Variants in SUCLG2 observed in about 807,000 individuals in gnomAD.
SUCLG2 encodes the protein succinate--CoA ligase [GDP-forming] subunit beta, mitochondrial.
In SUCLG2, 42 loss-of-function variants were observed where a neutral mutation model predicts 47.9. That is an observed-to-expected ratio of 0.88 (90% confidence interval 0.69 to 1.14). The LOEUF is 1.14. Ranked by LOEUF, SUCLG2 falls within the 50% of genes most tolerant of loss-of-function variation. The pLI, the probability that SUCLG2 is intolerant of heterozygous loss-of-function variation, is 0.00. For missense variants in SUCLG2, 571 were observed against 525.9 expected (o/e 1.09, Z -0.84); for synonymous variants, 195 against 197.3 (o/e 0.99, Z 0.10).
intron 9 of SUCLG2, among the ~76,000 whole-genome samples, chr3:67,425,908 G>A (rs1703289882): frequency 6.6e-6 from 1 of 152,218 alleles, no homozygotes; most frequent in South Asian, 2.1e-4. Context: ...GCCTCAAATA[G>A]AGACTTGTAA....
chr3:67,598,713 CA>C, intron 2 of SUCLG2, among the ~76,000 whole-genome samples: 1 of 152,162 alleles, frequency 6.6e-6, no homozygotes, highest in Non-Finnish European at 1.5e-5. Context: ...ATGTGGAACA[CA>C]CTATTTACCG....
At chr3:67,612,427 TA>T (rs5849772) in intron 1 of SUCLG2, among the ~76,000 whole-genome samples, 73,642 of 151,264 alleles carry the variant, frequency 0.49, 18,859 homozygotes, top group African/African-American at 0.64. Context: ...TTCTCAGTTG[TA>T]AAAAAAGGGT....
chr3:67,391,387 A>G (rs1702378128), intron 10 of SUCLG2, among the ~76,000 whole-genome samples: 1 of 151,958 alleles, frequency 6.6e-6, no homozygotes, highest in South Asian at 2.1e-4. Flanking sequence ...CACAATTTGC[A>G]CTCCTATTCG....
chr3:67,485,738 C>G (rs1325826063), intron 9 of SUCLG2, among the ~76,000 whole-genome samples: 2 of 152,084 alleles, frequency 1.3e-5, no homozygotes, highest in African/African-American at 4.8e-5. Flanking sequence ...CTTCCAAAAA[C>G]ATAAAGTGAA....
chr3:67,548,617 C>T (rs188932643), intron 2 of SUCLG2, among the ~76,000 whole-genome samples: 1 of 152,126 alleles, frequency 6.6e-6, no homozygotes, highest in Admixed American at 6.6e-5. Context: ...TCATGTGTAC[C>T]AATCAATAAG....
intron 9 of SUCLG2, among the ~76,000 whole-genome samples, chr3:67,492,444 A>G (rs1705228407): frequency 6.6e-6 from 1 of 152,240 alleles, no homozygotes; most frequent in South Asian, 2.1e-4. Context: ...TTAACATTCT[A>G]TATAGTGCTT....
chr3:67,553,133 G>A (rs1021864325), intron 2 of SUCLG2, among the ~76,000 whole-genome samples: 10 of 152,148 alleles, frequency 6.6e-5, no homozygotes, highest in African/African-American at 2.4e-4. Context: ...CCAGGGCATC[G>A]AGATCAGGTA....
intron 2 of SUCLG2, among the ~76,000 whole-genome samples, chr3:67,533,003 T>C (rs1288221913): frequency 6.6e-6 from 1 of 152,190 alleles, no homozygotes; most frequent in East Asian, 1.9e-4. Flanking sequence ...AAGAAAAGCA[T>C]AATCTAAATA....
intron 9 of SUCLG2, among the ~76,000 whole-genome samples, chr3:67,443,180 T>C (rs1559528267): frequency 6.6e-6 from 1 of 152,188 alleles, no homozygotes; most frequent in Non-Finnish European, 1.5e-5. Context: ...GCATATATTG[T>C]ATCATGTTAT....
chr3:67,562,046 G>A (rs947176066), intron 2 of SUCLG2, among the ~76,000 whole-genome samples: 2 of 152,108 alleles, frequency 1.3e-5, no homozygotes, highest in Non-Finnish European at 2.9e-5. Context: ...ACTCCCTTCT[G>A]CATTTTTGAT....
chr3:67,565,691 T>C (rs146220930), intron 2 of SUCLG2, among the ~76,000 whole-genome samples: 4 of 152,354 alleles, frequency 2.6e-5, no homozygotes, highest in African/African-American at 9.6e-5. Context: ...ACAAGAGTAA[T>C]TTGTCATCCT....
intron 10 of SUCLG2, among the ~76,000 whole-genome samples, chr3:67,392,026 C>T (rs1169615231): frequency 2.0e-5 from 3 of 152,136 alleles, no homozygotes; most frequent in African/African-American, 7.2e-5. Context: ...TTTGTCAGTG[C>T]ATGCCCCTGT....
chr3:67,651,409 T>C (rs1374588212), intron 1 of SUCLG2, among the ~76,000 whole-genome samples: 2 of 152,130 alleles, frequency 1.3e-5, no homozygotes, highest in African/African-American at 4.8e-5. Flanking sequence ...AACACACTCT[T>C]CCCCTTAGTC....
chr3:67,579,820 T>TA (rs1372048531), intron 2 of SUCLG2, among the ~76,000 whole-genome samples: 1 of 152,132 alleles, frequency 6.6e-6, no homozygotes, highest in African/African-American at 2.4e-5. Flanking sequence ...TTAGTATGTT[T>TA]AAAAAAATTA....
chr3:67,418,088 G>A (rs760760259), intron 9 of SUCLG2, among the ~76,000 whole-genome samples: 3 of 152,110 alleles, frequency 2.0e-5, no homozygotes, highest in Non-Finnish European at 4.4e-5. Context: ...TGCAACAAAA[G>A]CACTGGCTCT....
At chr3:67,506,709 C>T (rs759916457) in intron 7 of SUCLG2, among the ~76,000 whole-genome samples, 1 of 152,188 alleles carries the variant, frequency 6.6e-6, no homozygotes. Context: ...TGCAAAGCAA[C>T]CAGGCTGCTT....
chr3:67,394,780 G>A (rs1258812473), intron 10 of SUCLG2, among the ~76,000 whole-genome samples: 6 of 147,414 alleles, frequency 4.1e-5, no homozygotes, highest in African/African-American at 1.0e-4. Context: ...GAGAAAGGTC[G>A]GGTTACCCAC....
chr3:67,408,625 C>T (rs536031525), intron 9 of SUCLG2: 3 of 1,024,150 alleles, frequency 2.9e-6, no homozygotes, highest in Non-Finnish European at 3.5e-6. Context: ...TAATTAGACT[C>T]CAATCTGTCC....
intron 10 of SUCLG2, among the ~76,000 whole-genome samples, chr3:67,377,983 C>T (rs75926152): frequency 0.069 from 10,473 of 152,202 alleles, 887 homozygotes; most frequent in African/African-American, 0.19. Flanking sequence ...GCAATGACTC[C>T]TTCAGCCTGG....
Sources: allele counts gnomAD v4.1 joint callset (sites outside exome capture counted in the v4.1 genomes callset), GRCh38; gene constraint gnomAD v4.1.1; transcripts MANE v1.5; gene names NCBI Gene and HGNC (gene_info 2026-07-23, HGNC 2026-07-21).